The following C9 variants were observed in gnomAD, a reference collection of about 807,000 sequenced individuals.
The protein encoded by C9 is complement C9, also known as complement component C9.
Under a neutral mutation model 65.4 loss-of-function variants are expected in C9, and 63 were observed. The observed-to-expected ratio is 0.96, with a 90% CI of 0.79 to 1.19. The LOEUF is 1.19. Ranked by LOEUF, C9 falls within the 50% of genes most tolerant of loss-of-function variation. The pLI is 0.00. For synonymous variants in C9, 229 were observed against 227.9 expected, an observed-to-expected ratio of 1.00 and a Z score of -0.04; for missense variants, 744 against 670.1, an observed-to-expected ratio of 1.11 and a Z score of -1.22.
intron 5 of C9, among the ~76,000 whole-genome samples, chr5:39,323,437 A>G (rs76966760): frequency 0.029 from 4,418 of 151,322 alleles, 197 homozygotes; most frequent in African/African-American, 0.099. Flanking sequence ...TAAACAAACT[A>G]AATTCAGAAA....
Position 39,356,166 on chromosome 5 carries a change from G to A in C9, c.77+8222C>T, listed in dbSNP as rs569890028. Among the ~76,000 whole-genome samples, 106 of 152,110 alleles carry A rather than the reference G, an allele frequency of 7.0e-4. No individual in the cohort carries two copies. The South Asian group carries it at 7.5e-3, about 11-fold the overall frequency. ...ATTAACCTTTACTCTACCTTTTCTTGGTAAACTTTGTAAGCATTACTAGTT... is the reference window on the plus strand; with the variant it reads ...ATTAACCTTTACTCTACCTTTTCTTAGTAAACTTTGTAAGCATTACTAGTT... On this transcript the variant is annotated intron_variant, in intron 1 of 10. Transcript: ENST00000263408.
chr5:39,353,838 T>A (rs959634106), intron 1 of C9, among the ~76,000 whole-genome samples: 1 of 152,112 alleles, frequency 6.6e-6, no homozygotes, highest in African/African-American at 2.4e-5. Context: ...ACCTGAAACA[T>A]AATAGGTACT....
chr5:39,315,826 T>A lies in C9; in HGVS notation c.819A>T (p.Ser273=). ...SLHGKGSFRF[S]YSKNETYQLF... ...GTTGGTAAGTTTCATTTTTGGAATA[T>A]GAAAACCGAAAACTACCCTTGCCAT... Residue 273 remains serine, a synonymous_variant, in exon 6 of 11, where the codon TCA becomes TCT. Transcript: ENST00000263408. 1 of 1,609,900 alleles carries A rather than the reference T, an allele frequency of 6.2e-7. No homozygotes were observed. The highest frequency in any genetic ancestry group is 8.5e-7 in the Non-Finnish European group (1 of 1,176,320).
intron 4 of C9, 77 bp from the exon 5 acceptor site, chr5:39,331,891 G>C: frequency 8.1e-7 from 1 of 1,231,548 alleles, no homozygotes; most frequent in East Asian, 2.3e-5. Flanking sequence ...GCTGGAAAAA[G>C]TGAGACAGCT....
Position 39,327,786 on chromosome 5 carries a change from G to T in C9, c.615+3890C>A, listed in dbSNP as rs62358361. On this transcript the variant is annotated intron_variant, in intron 5 of 10. Transcript: ENST00000263408. The stretch of plus-strand genomic sequence containing the variant: ...GGAAATCACTTAAGAAGAATATATA[G>T]AGAGAAATCAGTGAAGCAATGTAGG... Among the ~76,000 whole-genome samples, 901 of 152,202 alleles carry T rather than the reference G, an allele frequency of 5.9e-3. 4 individuals are homozygous for T. Among genetic ancestry groups the T allele is most frequent in the Non-Finnish European group, 9.8e-3 (667 of 67,970 alleles).
intron 5 of C9, among the ~76,000 whole-genome samples, chr5:39,322,464 A>G (rs1049107886): frequency 6.6e-6 from 1 of 152,086 alleles, no homozygotes; most frequent in African/African-American, 2.4e-5. Context: ...ACTAAAGTCA[A>G]TTGAAGTAAG....
At chr5:39,312,825 C>A (rs1458048130) in intron 6 of C9, among the ~76,000 whole-genome samples, 1 of 151,736 alleles carries the variant, frequency 6.6e-6, no homozygotes, top group Non-Finnish European at 1.5e-5. Flanking sequence ...AATATCATAC[C>A]AAACTGTCTG....
chr5:39,285,914 T>A (rs1262193637), intron 10 of C9, among the ~76,000 whole-genome samples: 1 of 152,036 alleles, frequency 6.6e-6, no homozygotes, highest in Non-Finnish European at 1.5e-5. Flanking sequence ...ATCATGGGTG[T>A]AAGCTAGTGT....
At chr5:39,348,661 C>T (rs1200140418) in intron 1 of C9, among the ~76,000 whole-genome samples, 1 of 152,058 alleles carries the variant, frequency 6.6e-6, no homozygotes, top group Non-Finnish European at 1.5e-5. Flanking sequence ...CCCAGCCATC[C>T]CATTACTGGG....
intron 5 of C9, among the ~76,000 whole-genome samples, chr5:39,321,825 C>T (rs1378459959): frequency 1.3e-5 from 2 of 151,962 alleles, no homozygotes; most frequent in African/African-American, 2.4e-5. Flanking sequence ...TTTCTAGACA[C>T]CCAACATCAG....
At position 39,293,430 on chromosome 5, in the gene C9, G is replaced by T. The variant is rs1305066881; in HGVS notation, c.1417-4479C>A. ...AGTAGCTATGCTTATATCAGACAAA[G>T]CAGACTTCAAGTCAAAAACTGTAAA... is the stretch of plus-strand genomic sequence containing the variant. On this transcript the variant is annotated intron_variant, in intron 9 of 10. Coordinates refer to ENST00000263408, the MANE Select transcript of C9 (RefSeq NM_001737.5). Among the ~76,000 whole-genome samples the T allele has an allele frequency of 9.2e-5, 14 of 151,732 alleles. No individual in the cohort carries two copies. In the Admixed American group the frequency reaches 9.2e-4, roughly 10 times the overall value.
In C9 at chr5:39,353,754, AAGAGTTTAC is replaced by A. The variant is rs3836794; in HGVS notation, c.77+10625_77+10633del. ...AAACAAAAAACATGATCCCCAAAGT[AAGAGTTTAC>A]ATTTTAGCTAAAAATACCAGTGAGC... On this transcript the variant is annotated intron_variant, in intron 1 of 10. Coordinates refer to ENST00000263408, the MANE Select transcript of C9 (RefSeq NM_001737.5). Among the ~76,000 whole-genome samples the A allele has an allele frequency of 8.6e-3, 1,310 of 152,264 alleles. 85 individuals are homozygous for A. In the East Asian group the frequency reaches 0.15, roughly 17 times the overall value.
rs768374188 is a variant in C9 at position 39,341,297 on chromosome 5, C to A, written c.329-4G>T. 2 of 1,613,836 alleles carry A rather than the reference C, an allele frequency of 1.2e-6. No homozygotes were observed. Among genetic ancestry groups the A allele is most frequent in the African/African-American group, 1.3e-5 (1 of 74,902 alleles). ...AGTCGCATCTTTATGCATCTGCCTG[C>A]AATCAAAATCAGGAGAGACTCAATG... is the stretch of plus-strand genomic sequence containing the variant. On this transcript the variant is annotated splice_region_variant and splice_polypyrimidine_tract_variant and intron_variant, in intron 3 of 10. Transcript: ENST00000263408.
chr5:39,336,363 T>C (rs945034578), intron 4 of C9, among the ~76,000 whole-genome samples: 6 of 152,142 alleles, frequency 3.9e-5, no homozygotes, highest in African/African-American at 1.4e-4. Flanking sequence ...CCTAATGTAA[T>C]ATAGTTTATT....
Position 39,331,891 on chromosome 5 carries a change from G to T in C9, c.477-77C>A, listed in dbSNP as rs570882288. The T allele has an allele frequency of 9.1e-5, 112 of 1,231,546 alleles. No homozygotes were observed. In the East Asian group the frequency reaches 2.5e-3, roughly 28 times the overall value. The allele number at this position is 1,231,546 out of a possible 1,614,324, so 76.3% of individuals were successfully genotyped here. ...AGGCAGCCCTCTGTAGCTGGAAAAA[G>T]TGAGACAGCTTCAGTTCATGTCACC... On this transcript the variant is annotated intron_variant, in intron 4 of 10. Coordinates refer to ENST00000263408, the MANE Select transcript of C9 (RefSeq NM_001737.5).
chr5:39,308,450 CT>C, intron 7 of C9, 92 bp from the exon 8 acceptor site: 1 of 900,096 alleles, frequency 1.1e-6, no homozygotes, highest in Non-Finnish European at 1.8e-6. Context: ...AACATCCTTA[CT>C]TAGGTTCCTA....
intron 1 of C9, among the ~76,000 whole-genome samples, chr5:39,345,897 G>A (rs1361569395): frequency 5.3e-5 from 8 of 152,138 alleles, no homozygotes; most frequent in African/African-American, 1.9e-4. Context: ...CATGGAAACT[G>A]AACAACCTGC....
At chr5:39,341,448 C>T in intron 3 of C9, 108 bp downstream of exon 3, 3 of 1,475,772 alleles carry the variant, frequency 2.0e-6, no homozygotes, top group Non-Finnish European at 2.8e-6. Flanking sequence ...CTTTTGGGGC[C>T]TTTCACGCTT....
chr5:39,322,050 GT>G (rs2111910045), intron 5 of C9, among the ~76,000 whole-genome samples: 1 of 152,078 alleles, frequency 6.6e-6, no homozygotes, highest in South Asian at 2.1e-4. Context: ...CATAATACAT[GT>G]TTTTATCAAG....
Sources: allele counts gnomAD v4.1 joint callset (sites outside exome capture counted in the v4.1 genomes callset), GRCh38; gene constraint gnomAD v4.1.1; transcripts MANE v1.5; gene names NCBI Gene and HGNC (gene_info 2026-07-23, HGNC 2026-07-21).